ETV3L: variants seen among roughly 807,000 people sequenced by gnomAD.
The protein encoded by ETV3L is ETS variant transcription factor 3 like, also known as ETS translocation variant 3-like protein.
Under a neutral mutation model 27.6 loss-of-function variants are expected in ETV3L, and 30 were observed. That is an observed-to-expected ratio of 1.09 (90% CI 0.81 to 1.48). ETV3L has a LOEUF of 1.48. Among genes scored for constraint, ETV3L ranks in the 40% most tolerant of loss-of-function variants. The pLI is 0.00. For synonymous variants in ETV3L, 186 were observed against 188.9 expected, an observed-to-expected ratio of 0.98 and a Z score of 0.12; for missense variants, 443 against 455.6, an observed-to-expected ratio of 0.97 and a Z score of 0.25.
At chr1:157,096,646 C>A (rs1014032839) in intron 4 of ETV3L, among the ~76,000 whole-genome samples, 1 of 152,198 alleles carries the variant, frequency 6.6e-6, no homozygotes, top group African/African-American at 2.4e-5. Context: ...TCTGGCAGGG[C>A]GCGGTGGCTC....
chr1:157,099,656 G>C lies in ETV3L; in HGVS notation c.-133C>G. 2.8e-6 allele frequency: 2 copies of C among 725,644 alleles called. No homozygotes were observed. Among genetic ancestry groups the C allele is most frequent in the Non-Finnish European group, 2.3e-6 (1 of 428,722 alleles). 45.0% of individuals were successfully genotyped at this position (725,644 alleles called of 1,614,324 possible). ...AAATGGAGGGAAAGAAGGAAGGAAG[G>C]GAGAGGGTCAGGAAAGAAAGAGAGA... On this transcript the variant is annotated 5_prime_UTR_variant, in exon 1 of 5. Coordinates refer to ENST00000454449, the MANE Select transcript of ETV3L (RefSeq NM_001004341.2).
At position 157,093,202 on chromosome 1, in the gene ETV3L, G is replaced by A. The variant is rs181465642; in HGVS notation, c.608-75C>T. On this transcript the variant is annotated intron_variant, in intron 4 of 4. Transcript: ENST00000454449. ...TGCTCCTTGCTCCTCCCATTTCCCA[G>A]CCCTTCTTGTTTCTTGCTTGGAAGT... is the stretch of plus-strand genomic sequence containing the variant. The A allele has an allele frequency of 4.8e-5, 51 of 1,054,534 alleles. No individual in the cohort carries two copies. In the African/African-American group the frequency reaches 5.9e-4, roughly 12 times the overall value. 65.3% of individuals were successfully genotyped at this position (1,054,534 alleles called of 1,614,324 possible). A position where few individuals can be genotyped will look rare whatever the true frequency, so the allele number is the denominator to read the frequency against.
intron 3 of ETV3L, 114 bp from the exon 4 acceptor site, chr1:157,098,102 T>C: frequency 2.7e-6 from 1 of 373,450 alleles, no homozygotes; most frequent in Non-Finnish European, 3.9e-6. Context: ...CTCATACCGA[T>C]TTTTTTTTTT....
chr1:157,098,390 C>G (rs1024278830), intron 3 of ETV3L, among the ~76,000 whole-genome samples: 2 of 152,132 alleles, frequency 1.3e-5, no homozygotes, highest in African/African-American at 4.8e-5. Flanking sequence ...GCCACCACGC[C>G]TGGCCTCTCA....
chr1:157,099,441 G>A (rs1674300091), intron 1 of ETV3L, 25 bp downstream of exon 1: 4 of 1,614,030 alleles, frequency 2.5e-6, no homozygotes, highest in East Asian at 4.5e-5. Flanking sequence ...TTGGAGCAGG[G>A]GGTAGGCCCG....
At chr1:157,098,398 T>G (rs1032508326) in intron 3 of ETV3L, among the ~76,000 whole-genome samples, 1 of 151,942 alleles carries the variant, frequency 6.6e-6, no homozygotes, top group African/African-American at 2.4e-5. Context: ...GCCTGGCCTC[T>G]CATACCCATT....
rs1674301841 is a variant in ETV3L, at chr1:157,099,480, C to A, written c.44G>T (p.Gly15Val). The change falls in exon 1 of 5, where the codon GGC becomes GTC. Residue 15 changes from glycine to valine, a missense_variant. Gly to Val is a moderately radical substitution (Grantham distance 109). Coordinates refer to ENST00000454449, the MANE Select transcript of ETV3L (RefSeq NM_001004341.2). Reference sequence around the variant, plus strand: ...AAGAGGCTCACCTGAGATCCAGTTGCCGGGGTTGGCTGGGATGCCCTCAGC... The same window carrying A: ...AAGAGGCTCACCTGAGATCCAGTTGACGGGGTTGGCTGGGATGCCCTCAGC... Reference protein sequence around the residue: ...CLAEGIPANPGNWISGLAFPD... With the variant: ...CLAEGIPANPVNWISGLAFPD... 1 of 1,613,514 alleles carries A rather than the reference C, an allele frequency of 6.2e-7. No individual in the cohort carries two copies. Among genetic ancestry groups the A allele is most frequent in the Non-Finnish European group, 8.5e-7 (1 of 1,179,852 alleles).
chr1:157,092,763 C>T lies in ETV3L; in HGVS notation c.972G>A (p.Leu324=), dbSNP rs756646273. 2.5e-6 allele frequency: 4 copies of T among 1,614,062 alleles called. No individual in the cohort carries two copies. In the African/African-American group the frequency reaches 5.3e-5, roughly 22 times the overall value. ...PAPMMEAKGG[L]DPREVFCPET... ...CTGGGCAGAAGACCTCCCTGGGATC[C>T]AGGCCTCCCTTTGCCTCCATCATGG... Residue 324 remains leucine (L), a synonymous_variant, in exon 5 of 5, where the codon CTG becomes CTA. Transcript: ENST00000454449.
intron 3 of ETV3L, 146 bp downstream of exon 3, chr1:157,098,560 T>G: frequency 2.7e-6 from 2 of 744,122 alleles, no homozygotes; most frequent in East Asian, 5.7e-5. Context: ...TACCCCTGCC[T>G]CTGGGGCACT....
At position 157,098,851 on chromosome 1, in the gene ETV3L, C is replaced by T. The variant is rs943798563; in HGVS notation, c.341G>A (p.Arg114Lys). The change falls in exon 3 of 5, where the codon AGG becomes AAG. Residue 114 changes from arginine to lysine, a missense_variant. By Grantham distance (26) the Arg-to-Lys change is conservative. Coordinates refer to ENST00000454449, the MANE Select transcript of ETV3L (RefSeq NM_001004341.2). ...KRILHKTKGK[R>K]FTYKFNFSKL... Reference sequence around the variant, plus strand: ...GCTGAAGTTGAACTTGTATGTGAACCTTTTGCCTTTGGTCTTATGCAGGAT... The same window carrying T: ...GCTGAAGTTGAACTTGTATGTGAACTTTTTGCCTTTGGTCTTATGCAGGAT... 2 of 1,614,024 alleles carry T rather than the reference C, an allele frequency of 1.2e-6. No individual in the cohort carries two copies. The highest frequency in any genetic ancestry group is 1.7e-6 in the Non-Finnish European group (2 of 1,179,974).
rs953779193 is a variant in ETV3L at position 157,099,663 on chromosome 1, G to T, written c.-140C>A. The T allele has an allele frequency of 3.2e-5, 22 of 690,404 alleles. No individual in the cohort carries two copies. The highest frequency in any genetic ancestry group is 5.0e-5 in the Admixed American group (2 of 39,878). 42.8% of individuals were successfully genotyped at this position (690,404 alleles called of 1,614,324 possible). Reference sequence around the variant, plus strand: ...GGGAAAGAAGGAAGGAAGGGAGAGGGTCAGGAAAGAAAGAGAGAAAAGGGA... The same window carrying T: ...GGGAAAGAAGGAAGGAAGGGAGAGGTTCAGGAAAGAAAGAGAGAAAAGGGA... On this transcript the variant is annotated 5_prime_UTR_variant, in exon 1 of 5. Coordinates refer to ENST00000454449, the MANE Select transcript of ETV3L (RefSeq NM_001004341.2).
rs61736984 is a variant in ETV3L at position 157,097,907 on chromosome 1, T to C, written c.568A>G (p.Thr190Ala). The change falls in exon 4 of 5, where the codon ACC becomes GCC. Residue 190 changes from threonine to alanine, a missense_variant. Coordinates refer to ENST00000454449, the MANE Select transcript of ETV3L (RefSeq NM_001004341.2). ...GQQTPRGPPE[T>A]SGDKKGSSSS... is the part of the protein sequence containing the mutation. ...CTGCTCCCCTTCTTATCCCCAGAGG[T>C]CTCTGGTGGCCCTCGGGGGGTCTGC... is the stretch of plus-strand genomic sequence containing the variant. 22,519 of 1,613,270 alleles carry C rather than the reference T, an allele frequency of 0.014. 619 individuals are homozygous for C. Among genetic ancestry groups the C allele is most frequent in the African/African-American group, 0.11 (8,056 of 74,864 alleles).
At chr1:157,095,781 G>A (rs1674208243) in intron 4 of ETV3L, among the ~76,000 whole-genome samples, 2 of 152,122 alleles carry the variant, frequency 1.3e-5, no homozygotes, top group Non-Finnish European at 2.9e-5. Context: ...GGCCTCAGCT[G>A]CACTCCCAGG....
chr1:157,093,078 C>A lies in ETV3L; in HGVS notation c.657G>T (p.Leu219Phe). ...GPCRLGLCCH[L>F]GSVQGELPGV... is the part of the protein sequence containing the mutation. Reference sequence around the variant, plus strand: ...CAGGCAGCTCGCCTTGGACGCTCCCCAAATGGCAGCAAAGGCCCAGCCGGC... The same window carrying A: ...CAGGCAGCTCGCCTTGGACGCTCCCAAAATGGCAGCAAAGGCCCAGCCGGC... Residue 219 changes from leucine to phenylalanine, a missense_variant, in exon 5 of 5, where the codon TTG becomes TTT. Physicochemically the swap from Leu to Phe is conservative, Grantham distance 22 (BLOSUM62 0). Transcript: ENST00000454449. 6.7e-7 allele frequency: 1 copy of A among 1,486,936 alleles called. No homozygotes were observed. Among genetic ancestry groups the A allele is most frequent in the South Asian group, 1.4e-5 (1 of 72,216 alleles). The allele number at this position is 1,486,936 out of a possible 1,614,324, so 92.1% of individuals were successfully genotyped here.
At position 157,098,713 on chromosome 1, in the gene ETV3L, T is replaced by G. The variant is rs1674279403; in HGVS notation, c.479A>C (p.Gln160Pro). 1 of 1,600,180 alleles carries G rather than the reference T, an allele frequency of 6.2e-7. No individual in the cohort carries two copies. ...GGCCACCTCCGCTCTTACCTCACTCTGCACACCCACGGGCACCAGCGCTGG... is the reference window on the plus strand; with the variant it reads ...GGCCACCTCCGCTCTTACCTCACTCGGCACACCCACGGGCACCAGCGCTGG... ...CRPALVPVGV[Q>P]SELLHSMLFA... The change falls in exon 3 of 5, where the codon CAG becomes CCG. Residue 160 changes from glutamine to proline, a missense_variant. By Grantham distance (76) the Gln-to-Pro change is moderately conservative (BLOSUM62 -1). Transcript: ENST00000454449.
intron 4 of ETV3L, among the ~76,000 whole-genome samples, chr1:157,095,062 C>T (rs1674194003): frequency 6.6e-6 from 1 of 152,062 alleles, no homozygotes; most frequent in South Asian, 2.1e-4. Flanking sequence ...TGTGGAGGCC[C>T]CTATCAGAAC....
At chr1:157,098,019 A>G (rs572944387) in intron 3 of ETV3L, 31 bp from the exon 4 acceptor site, 1 of 1,570,250 alleles carries the variant, frequency 6.4e-7, no homozygotes, top group South Asian at 1.2e-5. Flanking sequence ...GCGAGGTGTG[A>G]TGGGCTCTCC....
In ETV3L at chr1:157,092,855, G is replaced by C. The variant is rs1368560939; in HGVS notation, c.880C>G (p.Gln294Glu). 1 of 1,614,020 alleles carries C rather than the reference G, an allele frequency of 6.2e-7. No homozygotes were observed. Among genetic ancestry groups the C allele is most frequent in the Admixed American group, 1.7e-5 (1 of 60,012 alleles). The change falls in exon 5 of 5, where the codon CAG (glutamine) becomes GAG (glutamate). Residue 294 changes from glutamine to glutamate, a missense_variant. By Grantham distance (29) the Gln-to-Glu change is conservative. Transcript: ENST00000454449. Reference protein sequence around the residue: ...PGLPLLAGLGQGAGERLWLLS... With the variant: ...PGLPLLAGLGEGAGERLWLLS... ...AGCCAAAGCCTCTCACCCGCACCCTGTCCCAGCCCTGCCAAGAGAGGAAGC... is the reference window on the plus strand; with the variant it reads ...AGCCAAAGCCTCTCACCCGCACCCTCTCCCAGCCCTGCCAAGAGAGGAAGC...
chr1:157,092,873 G>C lies in ETV3L; in HGVS notation c.862C>G (p.Leu288Val). Residue 288 changes from leucine to valine, a missense_variant, in exon 5 of 5, where the codon CTC becomes GTC. Leu to Val is a conservative substitution (Grantham distance 32). Coordinates refer to ENST00000454449, the MANE Select transcript of ETV3L (RefSeq NM_001004341.2). ...GCACCCTGTCCCAGCCCTGCCAAGAGAGGAAGCCCTGGAAAATGCCAGGCC... is the reference window on the plus strand; with the variant it reads ...GCACCCTGTCCCAGCCCTGCCAAGACAGGAAGCCCTGGAAAATGCCAGGCC... ...PGAWHFPGLP[L>V]LAGLGQGAGE... 1 of 1,614,034 alleles carries C rather than the reference G, an allele frequency of 6.2e-7. No homozygotes were observed. Among genetic ancestry groups the C allele is most frequent in the African/African-American group, 1.3e-5 (1 of 75,032 alleles).
Sources: allele counts gnomAD v4.1 joint callset (sites outside exome capture counted in the v4.1 genomes callset), GRCh38; gene constraint gnomAD v4.1.1; transcripts MANE v1.5; gene names NCBI Gene and HGNC (gene_info 2026-07-23, HGNC 2026-07-21).